The following KRABD4 variants were observed in gnomAD, a reference collection of about 807,000 sequenced individuals.
KRABD4 encodes KRAB domain-containing protein 4.
At chrX:46,474,618 C>G in the KRABD4 span, 1 of 111,535 alleles carries the variant, frequency 9.0e-6, no homozygotes, top group South Asian at 3.7e-4. Context: ...TCAAATCATT[C>G]AATAAATGAT....
chrX:46,450,796 G>A, the KRABD4 span, among the ~76,000 whole-genome samples: 4 of 103,382 alleles, frequency 3.9e-5, no homozygotes, highest in Admixed American at 3.2e-4. Context: ...TCCACCTTCC[G>A]GGTTCAAGCG....
At chrX:46,471,079 A>G in the KRABD4 span, 2 of 1,127,274 alleles carry the variant, frequency 1.8e-6, no homozygotes, top group African/African-American at 1.8e-5. Flanking sequence ...TGTTCTATCA[A>G]TTATTGAGAG....
the KRABD4 span, among the ~76,000 whole-genome samples, chrX:46,464,650 T>C: frequency 8.9e-6 from 1 of 112,081 alleles, no homozygotes. Context: ...CCCTATTTGC[T>C]GCTTAGAGAT....
the KRABD4 span, chrX:46,471,028 C>A: frequency 1.2e-6 from 1 of 804,522 alleles, no homozygotes; most frequent in Non-Finnish European, 1.7e-6. Context: ...GTTGATGGTG[C>A]TGTTCAGATT....
At chrX:46,472,853 C>A in the KRABD4 span, 1,039 of 1,209,939 alleles carry the variant, frequency 8.6e-4, 4 homozygotes, top group African/African-American at 0.016. Flanking sequence ...AGGATGAAAG[C>A]GGTCAAGAAT....
At chrX:46,447,759 T>A in the KRABD4 span, among the ~76,000 whole-genome samples, 1 of 112,376 alleles carries the variant, frequency 8.9e-6, no homozygotes, top group African/African-American at 3.2e-5. Flanking sequence ...TCAGTGTGGC[T>A]TGACAACCTG....
the KRABD4 span, among the ~76,000 whole-genome samples, chrX:46,464,576 A>G: frequency 8.9e-6 from 1 of 112,103 alleles, no homozygotes; most frequent in South Asian, 3.7e-4. Flanking sequence ...TGTGGCTCCC[A>G]CCACTCTAGC....
chrX:46,447,728 G>GT, the KRABD4 span, among the ~76,000 whole-genome samples: 1 of 112,135 alleles, frequency 8.9e-6, no homozygotes, highest in Non-Finnish European at 1.9e-5. Flanking sequence ...GATTATTTTC[G>GT]TGTTATAGAG....
the KRABD4 span, among the ~76,000 whole-genome samples, chrX:46,463,893 G>C: frequency 1.5e-3 from 167 of 110,435 alleles, 1 homozygote; most frequent in Non-Finnish European, 2.8e-3. Context: ...CTTTCACTTT[G>C]TGGTTAACAC....
At chrX:46,465,416 G>A in the KRABD4 span, among the ~76,000 whole-genome samples, 3 of 112,787 alleles carry the variant, frequency 2.7e-5, no homozygotes, top group African/African-American at 6.4e-5. Context: ...AATTCTGGCC[G>A]CTTCCCTCAC....
chrX:46,472,589 CA>C, the KRABD4 span: 3 of 505,754 alleles, frequency 5.9e-6, no homozygotes, highest in East Asian at 1.1e-4. Flanking sequence ...TACTTGCACT[CA>C]GGGGAGGTGG....
the KRABD4 span, chrX:46,448,062 C>G: frequency 8.9e-6 from 1 of 111,899 alleles, no homozygotes; most frequent in African/African-American, 3.3e-5. Flanking sequence ...AGCTGTGAAT[C>G]AATGTTAACT....
At chrX:46,459,382 A>G in the KRABD4 span, among the ~76,000 whole-genome samples, 1 of 110,636 alleles carries the variant, frequency 9.0e-6, no homozygotes, top group South Asian at 3.8e-4. Flanking sequence ...CTCTGTAGCT[A>G]TGTATTTTCT....
At chrX:46,452,822 A>G in the KRABD4 span, among the ~76,000 whole-genome samples, 1 of 112,370 alleles carries the variant, frequency 8.9e-6, no homozygotes, top group African/African-American at 3.2e-5. Context: ...GGCTGGCAAC[A>G]TTATAATGCC....
chrX:46,466,292 T>C, the KRABD4 span, among the ~76,000 whole-genome samples: 1 of 112,321 alleles, frequency 8.9e-6, no homozygotes, highest in Non-Finnish European at 1.9e-5. Context: ...TGCTGTTCTT[T>C]ATCTAGCTTC....
chrX:46,464,434 T>C, the KRABD4 span, among the ~76,000 whole-genome samples: 1 of 111,935 alleles, frequency 8.9e-6, no homozygotes, highest in Non-Finnish European at 1.9e-5. Flanking sequence ...CACTGCTCGT[T>C]AGAGATTAAT....
At chrX:46,447,482 A>C in the KRABD4 span, 1 of 111,152 alleles carries the variant, frequency 9.0e-6, no homozygotes. Flanking sequence ...CCCATCCTCC[A>C]GGCCACTTCC....
At chrX:46,468,576 G>A in the KRABD4 span, among the ~76,000 whole-genome samples, 1 of 110,531 alleles carries the variant, frequency 9.0e-6, no homozygotes, top group African/African-American at 3.3e-5. Context: ...GAATTTCACT[G>A]GGGAACTAGG....
the KRABD4 span, among the ~76,000 whole-genome samples, chrX:46,468,076 T>C: frequency 8.9e-6 from 1 of 112,203 alleles, no homozygotes; most frequent in East Asian, 2.8e-4. Context: ...TTTATAAGTC[T>C]GTGACTGTTA....
Sources: gnomAD v4.1 joint callset for allele counts (sites outside exome capture counted in the v4.1 genomes callset) on GRCh38, gnomAD v4.1.1 for gene constraint, MANE v1.5 for transcripts, NCBI Gene and HGNC (gene_info 2026-07-23, HGNC 2026-07-21) for gene names.